Variants in CLNK observed in about 807,000 individuals in gnomAD.
CLNK encodes the protein cytokine dependent hematopoietic cell linker, also known as cytokine-dependent hematopoietic cell linker.
A neutral mutation model predicts 68.6 loss-of-function variants in CLNK; 74 were observed. That is an observed-to-expected ratio of 1.08 (90% CI 0.89 to 1.31). The LOEUF (loss-of-function observed/expected upper bound fraction) is 1.31. CLNK is among the 50% of genes most tolerant of loss of function. The pLI, the probability that CLNK is intolerant of heterozygous loss-of-function variation, is 0.00. For synonymous variants in CLNK, 198 were observed against 172.2 expected, an observed-to-expected ratio of 1.15 and a Z score of -1.17; for missense variants, 553 against 515.3, an observed-to-expected ratio of 1.07 and a Z score of -0.71.
intron 1 of CLNK, among the ~76,000 whole-genome samples, chr4:10,669,967 A>T (rs574851896): frequency 6.6e-6 from 1 of 152,288 alleles, no homozygotes; most frequent in East Asian, 1.9e-4. Context: ...CAAATACTGG[A>T]AGGGTCCTGG....
At chr4:10,577,914 G>C (rs1443621993) in intron 4 of CLNK, among the ~76,000 whole-genome samples, 5 of 152,160 alleles carry the variant, frequency 3.3e-5, no homozygotes, top group African/African-American at 9.7e-5. Flanking sequence ...TCAAAGGCAC[G>C]AGGAAGGCAA....
At chr4:10,698,700 G>A in the CLNK span, among the ~76,000 whole-genome samples, 1 of 152,198 alleles carries the variant, frequency 6.6e-6, no homozygotes, top group Admixed American at 6.6e-5. Flanking sequence ...GAGCTCTTGT[G>A]AACCCTAATT....
intron 2 of CLNK, among the ~76,000 whole-genome samples, chr4:10,608,257 G>A (rs773221952): frequency 1.3e-5 from 2 of 152,164 alleles, no homozygotes; most frequent in Non-Finnish European, 2.9e-5. Flanking sequence ...TACAGTCCAC[G>A]CAAACTGAAC....
intron 7 of CLNK, among the ~76,000 whole-genome samples, chr4:10,562,101 C>CTTTTTTT (rs11345903): frequency 3.2e-4 from 42 of 129,246 alleles, no homozygotes; most frequent in Non-Finnish European, 4.8e-4. Flanking sequence ...TTTTTCTTTT[C>CTTTTTTT]TTTTTTTTTT....
At chr4:10,495,824 T>TAG (rs35333663) in intron 18 of CLNK, among the ~76,000 whole-genome samples, 9,950 of 150,450 alleles carry the variant, frequency 0.066, 405 homozygotes, top group African/African-American at 0.075. Context: ...CACGTGACCA[T>TAG]AGAGAGAGAG....
chr4:10,725,557 C>G, the CLNK span, among the ~76,000 whole-genome samples: 1 of 152,250 alleles, frequency 6.6e-6, no homozygotes, highest in Admixed American at 6.5e-5. Context: ...CCCATTTCCC[C>G]TCCCCAGCGA....
chr4:10,668,991 A>T (rs532669694), intron 1 of CLNK, among the ~76,000 whole-genome samples: 1 of 152,308 alleles, frequency 6.6e-6, no homozygotes, highest in Non-Finnish European at 1.5e-5. Flanking sequence ...ATACCCAGGA[A>T]GATTTAATTA....
intron 8 of CLNK, among the ~76,000 whole-genome samples, chr4:10,557,291 G>C (rs901650727): frequency 1.3e-5 from 2 of 151,962 alleles, no homozygotes; most frequent in South Asian, 4.2e-4. Flanking sequence ...CCTGCTCTCC[G>C]CCTGGGGACA....
intron 14 of CLNK, among the ~76,000 whole-genome samples, chr4:10,521,872 T>C (rs1357200057): frequency 6.6e-6 from 1 of 151,962 alleles, no homozygotes; most frequent in Non-Finnish European, 1.5e-5. Context: ...TTTTAGAAAA[T>C]GTTGAAAAGA....
At chr4:10,542,186 C>T in intron 9 of CLNK, 69 bp downstream of exon 9, 1 of 1,195,036 alleles carries the variant, frequency 8.4e-7, no homozygotes, top group East Asian at 2.5e-5. Flanking sequence ...TGAGTTTTTG[C>T]ATCATCTATA....
At chr4:10,568,903 A>G (rs888083702) in intron 5 of CLNK, among the ~76,000 whole-genome samples, 9 of 152,204 alleles carry the variant, frequency 5.9e-5, no homozygotes, top group African/African-American at 1.9e-4. Flanking sequence ...ATGTGACATC[A>G]CAGCAATGGA....
chr4:10,508,175 T>C, intron 16 of CLNK, 139 bp from the exon 17 acceptor site: 1 of 612,088 alleles, frequency 1.6e-6, no homozygotes, highest in East Asian at 3.1e-5. Context: ...TACCTAACAT[T>C]TAGTCCCTGA....
chr4:10,507,963 T>C lies in CLNK; in HGVS notation c.980A>G (p.Asn327Ser). The stretch of plus-strand genomic sequence containing the variant: ...GGGCCACGTAGAAGGCATTACCTTG[T>C]TCTCCTTCATGAATGCCTCTTCCAC... ...QAVEEAFMKE[N>S]KDGSFLVRDC... is the part of the protein sequence containing the mutation. The change falls in exon 17 of 19, where the codon AAC (asparagine) becomes AGC (serine). Residue 327 changes from asparagine (N) to serine (S), a missense_variant. Asn to Ser is a conservative substitution (Grantham distance 46, BLOSUM62 1). Coordinates refer to ENST00000226951, the MANE Select transcript of CLNK (RefSeq NM_052964.4). The C allele has an allele frequency of 6.2e-7, 1 of 1,604,368 alleles. No homozygotes were observed. The highest frequency in any genetic ancestry group is 8.5e-7 in the Non-Finnish European group (1 of 1,174,678).
intron 17 of CLNK, among the ~76,000 whole-genome samples, chr4:10,504,079 C>CTCA (rs1717177472): frequency 6.8e-6 from 1 of 147,864 alleles, no homozygotes. Flanking sequence ...TCGCGCCCGG[C>CTCA]TCATTTGCAG....
intron 8 of CLNK, 81 bp from the exon 9 acceptor site, chr4:10,542,361 A>G: frequency 1.1e-6 from 1 of 923,072 alleles, no homozygotes; most frequent in Non-Finnish European, 1.7e-6. Flanking sequence ...CATGAAAATC[A>G]TTTTTATTTG....
chr4:10,573,021 G>A (rs1459060964), intron 4 of CLNK, among the ~76,000 whole-genome samples: 1 of 152,090 alleles, frequency 6.6e-6, no homozygotes, highest in Non-Finnish European at 1.5e-5. Flanking sequence ...GTAGAAATGG[G>A]TTTCACTATG....
intron 2 of CLNK, among the ~76,000 whole-genome samples, chr4:10,641,976 T>C (rs999676729): frequency 6.6e-6 from 1 of 152,202 alleles, no homozygotes; most frequent in Non-Finnish European, 1.5e-5. Flanking sequence ...ACCAGGATTG[T>C]GAGGTCTCCC....
chr4:10,615,802 A>C (rs933015676), intron 2 of CLNK, among the ~76,000 whole-genome samples: 1 of 152,232 alleles, frequency 6.6e-6, no homozygotes, highest in African/African-American at 2.4e-5. Flanking sequence ...TCCAAGGTCA[A>C]CTAGTCAATG....
At chr4:10,605,841 A>AAAAAT (rs1721767698) in intron 2 of CLNK, among the ~76,000 whole-genome samples, 1 of 145,388 alleles carries the variant, frequency 6.9e-6, no homozygotes, top group Non-Finnish European at 1.5e-5. Flanking sequence ...AAAAAAAAAA[A>AAAAAT]ATAGAAAAAA....
Sources: gnomAD v4.1 joint callset for allele counts (sites outside exome capture counted in the v4.1 genomes callset) on GRCh38, gnomAD v4.1.1 for gene constraint, MANE v1.5 for transcripts, NCBI Gene and HGNC (gene_info 2026-07-23, HGNC 2026-07-21) for gene names.